Variants in PEBP4 observed in about 807,000 individuals in gnomAD.
PEBP4 encodes the protein phosphatidylethanolamine binding protein 4.
Under a neutral mutation model 23.9 loss-of-function variants are expected in PEBP4, and 22 were observed. The observed-to-expected ratio is 0.92, with a 90% CI of 0.66 to 1.31. PEBP4 has a LOEUF of 1.31. PEBP4 is among the 40% of genes most tolerant of loss of function. PEBP4 has a pLI of 0.00. For missense variants in PEBP4, 324 were observed against 281.7 expected (o/e 1.15, Z -1.07); for synonymous variants, 112 against 99.3 (o/e 1.13, Z -0.76).
intron 4 of PEBP4, among the ~76,000 whole-genome samples, chr8:22,809,067 C>T (rs182574026): frequency 1.2e-3 from 178 of 152,102 alleles, no homozygotes; most frequent in Non-Finnish European, 2.0e-3. Flanking sequence ...ATCGAAGGCT[C>T]GACTTTCTAA....
At chr8:22,814,520 G>C (rs1407402960) in intron 4 of PEBP4, among the ~76,000 whole-genome samples, 3 of 152,196 alleles carry the variant, frequency 2.0e-5, no homozygotes, top group Admixed American at 2.0e-4. Context: ...ACTCGTTGCT[G>C]TCCTGTTTCA....
chr8:22,737,270 G>C (rs1804884224), intron 4 of PEBP4, among the ~76,000 whole-genome samples: 1 of 148,584 alleles, frequency 6.7e-6, no homozygotes. Context: ...CTCCAGCGTG[G>C]GCAATAGAGT....
intron 3 of PEBP4, among the ~76,000 whole-genome samples, chr8:22,841,422 G>A (rs1807327088): frequency 6.6e-6 from 1 of 152,250 alleles, no homozygotes; most frequent in East Asian, 1.9e-4. Flanking sequence ...AACCTTTGGT[G>A]CCAAATATTT....
At chr8:22,824,578 C>A (rs188212703) in intron 3 of PEBP4, among the ~76,000 whole-genome samples, 5 of 152,214 alleles carry the variant, frequency 3.3e-5, no homozygotes, top group Admixed American at 1.3e-4. Flanking sequence ...ACATTATAAT[C>A]GATAATGAAA....
At chr8:22,746,982 C>A (rs1010537513) in intron 4 of PEBP4, among the ~76,000 whole-genome samples, 2 of 152,068 alleles carry the variant, frequency 1.3e-5, no homozygotes, top group African/African-American at 4.8e-5. Context: ...TGTACCACCA[C>A]ACCCAGCTAA....
chr8:22,909,873 C>T (rs1050699260), intron 3 of PEBP4, among the ~76,000 whole-genome samples: 3 of 152,120 alleles, frequency 2.0e-5, no homozygotes, highest in South Asian at 2.1e-4. Flanking sequence ...AGCCTGGCCA[C>T]GTGGAGAATG....
At chr8:22,743,704 G>A (rs1805048817) in intron 4 of PEBP4, among the ~76,000 whole-genome samples, 1 of 152,218 alleles carries the variant, frequency 6.6e-6, no homozygotes, top group Non-Finnish European at 1.5e-5. Context: ...CATCCACCCT[G>A]ATTCTTAAGA....
Position 22,728,567 on chromosome 8 carries a change from C to CCTTCCTTT in PEBP4, c.358-1348_358-1347insAAAGGAAG, listed in dbSNP as rs1804668798. Among the ~76,000 whole-genome samples the CCTTCCTTT allele has an allele frequency of 4.2e-5, 4 of 96,046 alleles. No homozygotes were observed. In the South Asian group the frequency reaches 1.5e-3, roughly 35 times the overall value. The allele number at this position is 96,046 out of a possible 152,430, so 63.0% of individuals were successfully genotyped here. A position where few individuals can be genotyped will look rare whatever the true frequency, so the allele number is the denominator to read the frequency against. On this transcript the variant is annotated intron_variant, in intron 4 of 6. Transcript: ENST00000256404. ...TCCTTTCTTTCTTTCTTTCTTCCTT[C>CCTTCCTTT]CTTCCTTCCTTCCTTCCTTCCTTCC...
Position 22,873,450 on chromosome 8 carries a change from ACTAT to A in PEBP4, c.258+46730_258+46733del, listed in dbSNP as rs570225037. 3.3e-5 allele frequency among the ~76,000 whole-genome samples: 5 copies of A among 150,938 alleles called. No homozygotes were observed. In the South Asian group the frequency reaches 1.0e-3, roughly 32 times the overall value. On this transcript the variant is annotated intron_variant, in intron 3 of 6. Transcript: ENST00000256404. ...ACTAGCCTGGGCAACATACTGAGAT[ACTAT>A]CTGTGTGAAAAAGTACAAAAAAAAA... is the stretch of plus-strand genomic sequence containing the variant.
intron 4 of PEBP4, among the ~76,000 whole-genome samples, chr8:22,772,491 C>CTTTTTTTTTTTTT (rs1171525883): frequency 6.4e-5 from 6 of 93,476 alleles, no homozygotes; most frequent in South Asian, 3.8e-4. Flanking sequence ...CTCTCTCTCT[C>CTTTTTTTTTTTTT]TCTTTTTTTT....
At chr8:22,759,260 G>T (rs1417195094) in intron 4 of PEBP4, among the ~76,000 whole-genome samples, 1 of 146,038 alleles carries the variant, frequency 6.8e-6, no homozygotes. Context: ...GGCCCAGGGA[G>T]GCCCAGGGCT....
At chr8:22,925,909 G>C (rs2128781795) in intron 2 of PEBP4, among the ~76,000 whole-genome samples, 1 of 152,298 alleles carries the variant, frequency 6.6e-6, no homozygotes, top group South Asian at 2.1e-4. Context: ...ACTTGTGAGA[G>C]GCAACCACGT....
intron 4 of PEBP4, among the ~76,000 whole-genome samples, chr8:22,761,791 G>C (rs1002314575): frequency 2.0e-5 from 3 of 152,104 alleles, no homozygotes; most frequent in Non-Finnish European, 4.4e-5. Context: ...GTGTTTTTCT[G>C]TCTCCTTCTT....
intron 3 of PEBP4, among the ~76,000 whole-genome samples, chr8:22,824,873 C>A (rs1390315521): frequency 6.6e-6 from 1 of 152,158 alleles, no homozygotes; most frequent in Non-Finnish European, 1.5e-5. Context: ...CACTCACTGG[C>A]CCACCATTTA....
intron 4 of PEBP4, among the ~76,000 whole-genome samples, chr8:22,780,212 C>A (rs1585268425): frequency 6.6e-6 from 1 of 152,288 alleles, no homozygotes; most frequent in South Asian, 2.1e-4. Flanking sequence ...AATCTGCCCA[C>A]CTTGGCCTCC....
chr8:22,928,939 G>A (rs902459463), upstream of PEBP4, among the ~76,000 whole-genome samples: 1 of 152,184 alleles, frequency 6.6e-6, no homozygotes, highest in African/African-American at 2.4e-5. Context: ...ATCCCAACCT[G>A]TAGCAAAAAG....
intron 4 of PEBP4, among the ~76,000 whole-genome samples, chr8:22,766,474 T>C (rs1327075137): frequency 6.6e-6 from 1 of 152,206 alleles, no homozygotes; most frequent in Non-Finnish European, 1.5e-5. Flanking sequence ...AGCTGCATGG[T>C]ATGAAATTTC....
intron 3 of PEBP4, among the ~76,000 whole-genome samples, chr8:22,914,892 T>C (rs1809038163): frequency 6.6e-6 from 1 of 152,176 alleles, no homozygotes; most frequent in African/African-American, 2.4e-5. Flanking sequence ...AGTTAACATA[T>C]ACCCCAGCTT....
intron 6 of PEBP4, among the ~76,000 whole-genome samples, chr8:22,716,595 C>T (rs1804424453): frequency 6.6e-6 from 1 of 152,234 alleles, no homozygotes; most frequent in South Asian, 2.1e-4. Context: ...TCACTCTCTC[C>T]ACCCCAAGCT....
Sources: gnomAD v4.1 joint callset for allele counts (sites outside exome capture counted in the v4.1 genomes callset) on GRCh38, gnomAD v4.1.1 for gene constraint, MANE v1.5 for transcripts, NCBI Gene and HGNC (gene_info 2026-07-23, HGNC 2026-07-21) for gene names.